Variants in RIMS1 observed in about 807,000 individuals in gnomAD.
RIMS1 encodes regulating synaptic membrane exocytosis protein 1.
RIMS1 carries 83 observed loss-of-function variants against 214.1 expected under a neutral mutation model. The observed-to-expected ratio is 0.39, with a 90% CI of 0.32 to 0.47. The LOEUF (loss-of-function observed/expected upper bound fraction) is 0.47. RIMS1 is among the 20% of genes least tolerant of loss of function. The pLI is 0.99. For synonymous variants in RIMS1, 793 were observed against 786.8 expected (o/e 1.01, Z -0.13); for missense variants, 2,050 against 2,161.8 (o/e 0.95, Z 1.03).
chr6:72,391,001 T>A, intron 30 of RIMS1: 1 of 310,448 alleles, frequency 3.2e-6, no homozygotes, highest in East Asian at 5.2e-5. Flanking sequence ...CCCAGACTAG[T>A]TCCTTACTGG....
chr6:72,210,128 A>G (rs2053577353), intron 6 of RIMS1, among the ~76,000 whole-genome samples: 1 of 152,148 alleles, frequency 6.6e-6, no homozygotes, highest in Admixed American at 6.5e-5. Context: ...AAGGAACAAC[A>G]TGGTCCTAAA....
chr6:72,053,143 C>G (rs1825184234), intron 2 of RIMS1, among the ~76,000 whole-genome samples: 1 of 152,148 alleles, frequency 6.6e-6, no homozygotes. Flanking sequence ...TGGCATAGGT[C>G]TGACTCCTCT....
intron 1 of RIMS1, among the ~76,000 whole-genome samples, chr6:71,958,804 G>A (rs1369221870): frequency 1.3e-5 from 2 of 152,100 alleles, no homozygotes; most frequent in Admixed American, 1.3e-4. Context: ...GTTCACCTTT[G>A]TCAGTGAGGA....
chr6:71,900,764 G>A (rs1773363927), intron 1 of RIMS1, among the ~76,000 whole-genome samples: 1 of 152,086 alleles, frequency 6.6e-6, no homozygotes, highest in East Asian at 1.9e-4. Flanking sequence ...TGAGAAATCC[G>A]AGAGAGATAT....
At chr6:72,079,880 T>A (rs1198790250) in intron 2 of RIMS1, among the ~76,000 whole-genome samples, 3 of 150,872 alleles carry the variant, frequency 2.0e-5, no homozygotes, top group African/African-American at 7.3e-5. Flanking sequence ...AGAGACTCTG[T>A]CTCAAAATTC....
intron 2 of RIMS1, among the ~76,000 whole-genome samples, chr6:72,015,365 G>T (rs1339206189): frequency 6.6e-6 from 1 of 151,952 alleles, no homozygotes; most frequent in Non-Finnish European, 1.5e-5. Context: ...CTGATTTTTT[G>T]TATATTGATC....
intron 1 of RIMS1, among the ~76,000 whole-genome samples, chr6:71,908,616 C>A (rs377508727): frequency 6.3e-4 from 96 of 152,244 alleles, no homozygotes; most frequent in African/African-American, 1.9e-3. Context: ...GTGTTACAGA[C>A]AAAACGGTAA....
chr6:72,314,661 T>C (rs1455606653), intron 28 of RIMS1, among the ~76,000 whole-genome samples: 3 of 152,174 alleles, frequency 2.0e-5, no homozygotes, highest in Admixed American at 6.5e-5. Context: ...TATAAAGTTC[T>C]TTAAAATTTA....
At chr6:72,341,902 G>A (rs1444005821) in intron 29 of RIMS1, among the ~76,000 whole-genome samples, 1 of 151,666 alleles carries the variant, frequency 6.6e-6, no homozygotes, top group Non-Finnish European at 1.5e-5. Context: ...TCCAAATACT[G>A]ACAAGATGTT....
intron 6 of RIMS1, chr6:72,217,104 G>C (rs969109718): frequency 6.6e-7 from 1 of 1,522,536 alleles, no homozygotes; most frequent in Non-Finnish European, 8.8e-7. Context: ...TTTTTTAATT[G>C]TGTTGTGCAT....
At chr6:71,914,007 C>T (rs1217478864) in intron 1 of RIMS1, among the ~76,000 whole-genome samples, 2 of 152,090 alleles carry the variant, frequency 1.3e-5, no homozygotes, top group Non-Finnish European at 2.9e-5. Context: ...GATAGCTGAC[C>T]AGCTGTACTC....
chr6:72,306,256 C>T (rs2095151055), intron 26 of RIMS1, among the ~76,000 whole-genome samples: 1 of 150,510 alleles, frequency 6.6e-6, no homozygotes. Flanking sequence ...CGCATGCTCA[C>T]ACACACACAC....
At chr6:72,148,048 T>C (rs1327548903) in intron 4 of RIMS1, among the ~76,000 whole-genome samples, 1 of 152,142 alleles carries the variant, frequency 6.6e-6, no homozygotes, top group Non-Finnish European at 1.5e-5. Context: ...AGTTAGCCCC[T>C]CCTCAAGAGA....
intron 26 of RIMS1, 75 bp from the exon 27 acceptor site, chr6:72,307,183 T>C: frequency 1.1e-6 from 1 of 899,638 alleles, no homozygotes; most frequent in African/African-American, 1.7e-5. Flanking sequence ...TTCAAAAGCA[T>C]TGAAATCTTA....
intron 26 of RIMS1, among the ~76,000 whole-genome samples, chr6:72,299,480 A>G (rs1174324952): frequency 2.6e-5 from 4 of 151,882 alleles, no homozygotes; most frequent in Admixed American, 6.6e-5. Flanking sequence ...TAACTAGATC[A>G]TAGAGATTGT....
At chr6:72,220,793 G>A (rs2058124023) in intron 6 of RIMS1, among the ~76,000 whole-genome samples, 5 of 152,066 alleles carry the variant, frequency 3.3e-5, no homozygotes, top group Admixed American at 3.3e-4. Flanking sequence ...GCTTGACAGA[G>A]ACTAGGTTTC....
At chr6:71,965,606 C>A (rs924270798) in intron 1 of RIMS1, among the ~76,000 whole-genome samples, 3 of 152,092 alleles carry the variant, frequency 2.0e-5, no homozygotes, top group Admixed American at 2.0e-4. Context: ...AACCCAGCAG[C>A]GCTGAGGGCG....
At chr6:72,009,635 A>G (rs1454786758) in intron 2 of RIMS1, among the ~76,000 whole-genome samples, 4 of 148,680 alleles carry the variant, frequency 2.7e-5, no homozygotes, top group Non-Finnish European at 6.0e-5. Context: ...AAAAAATGAT[A>G]AAGGGGATAT....
rs1373786662 is a variant in RIMS1 at position 71,886,673 on chromosome 6, G to A, written c.-351G>A. On this transcript the variant is annotated 5_prime_UTR_variant, in exon 1 of 34. Coordinates refer to ENST00000521978, the MANE Select transcript of RIMS1 (RefSeq NM_014989.7). Reference sequence around the variant, plus strand: ...CCCCGCCGGAGACGCCCGGATCGGCGGAGCCTGGCGCGAGCCCTCGCCCCC... The same window carrying A: ...CCCCGCCGGAGACGCCCGGATCGGCAGAGCCTGGCGCGAGCCCTCGCCCCC... The A allele has an allele frequency of 6.6e-6, 1 of 151,008 alleles. No homozygotes were observed. The highest frequency in any genetic ancestry group is 6.6e-5 in the Admixed American group (1 of 15,084). The allele number at this position is 151,008 out of a possible 1,614,324, so 9.4% of individuals were successfully genotyped here. A position where few individuals can be genotyped will look rare whatever the true frequency, so the allele number is the denominator to read the frequency against.
Sources: gnomAD v4.1 joint callset for allele counts (sites outside exome capture counted in the v4.1 genomes callset) on GRCh38, gnomAD v4.1.1 for gene constraint, MANE v1.5 for transcripts, NCBI Gene and HGNC (gene_info 2026-07-23, HGNC 2026-07-21) for gene names.